The following TESK2 variants were observed in gnomAD, a reference collection of about 807,000 sequenced individuals.
The protein encoded by TESK2 is dual specificity testis-specific protein kinase 2.
A neutral mutation model predicts 57.1 loss-of-function variants in TESK2; 39 were observed. The observed-to-expected ratio is 0.68, with a 90% CI of 0.53 to 0.89. TESK2 has a LOEUF of 0.89. Ranked by LOEUF, TESK2 falls within the 40% of genes least tolerant of loss-of-function variation. The pLI is 0.00. For synonymous variants in TESK2, 249 were observed against 267.9 expected, an observed-to-expected ratio of 0.93 and a Z score of 0.69; for missense variants, 646 against 732.1, an observed-to-expected ratio of 0.88 and a Z score of 1.36.
intron 5 of TESK2, among the ~76,000 whole-genome samples, chr1:45,351,664 A>G (rs1466903917): frequency 6.6e-6 from 1 of 152,218 alleles, no homozygotes; most frequent in Non-Finnish European, 1.5e-5. Context: ...TGCAAAGTCA[A>G]GGACAGCATC....
At chr1:45,472,017 C>T (rs947467049) in intron 1 of TESK2, among the ~76,000 whole-genome samples, 23 of 151,742 alleles carry the variant, frequency 1.5e-4, no homozygotes, top group Non-Finnish European at 1.3e-4. Flanking sequence ...TTTGGGAGGC[C>T]GAGGCGGGTG....
rs578242408 is a variant in TESK2 at position 45,460,011 on chromosome 1, T to C, written c.-86-2140A>G. Among the ~76,000 whole-genome samples the C allele has an allele frequency of 4.6e-5, 7 of 152,156 alleles. No homozygotes were observed. In the South Asian group the frequency reaches 1.0e-3, roughly 23 times the overall value. On this transcript the variant is annotated intron_variant, in intron 1 of 10. Coordinates refer to ENST00000372086, the MANE Select transcript of TESK2 (RefSeq NM_007170.3). Reference sequence around the variant, plus strand: ...TCACTTATAACTAGGAGCTAAATCTTGAGTTCACATGAACATAAAGATGGG... The same window carrying C: ...TCACTTATAACTAGGAGCTAAATCTCGAGTTCACATGAACATAAAGATGGG...
At chr1:45,385,889 T>C in intron 4 of TESK2, 23 bp downstream of exon 4, 1 of 1,581,912 alleles carries the variant, frequency 6.3e-7, no homozygotes, top group Non-Finnish European at 8.6e-7. Flanking sequence ...AATACGTTAC[T>C]TCAACACTTA....
At chr1:45,454,361 G>A (rs1454019444) in intron 2 of TESK2, among the ~76,000 whole-genome samples, 1 of 152,026 alleles carries the variant, frequency 6.6e-6, no homozygotes, top group Non-Finnish European at 1.5e-5. Flanking sequence ...CTTAACAGTT[G>A]TGTTAAGTAT....
At chr1:45,432,577 G>C (rs1651017124) in intron 2 of TESK2, among the ~76,000 whole-genome samples, 1 of 150,334 alleles carries the variant, frequency 6.7e-6, no homozygotes, top group Admixed American at 6.6e-5. Flanking sequence ...TGTAGTCCCA[G>C]CTACTCGGGA....
At chr1:45,414,159 T>G (rs1433379029) in intron 3 of TESK2, among the ~76,000 whole-genome samples, 1 of 152,228 alleles carries the variant, frequency 6.6e-6, no homozygotes, top group Non-Finnish European at 1.5e-5. Flanking sequence ...CTGGTTAGAA[T>G]AATTTCCTTT....
intron 5 of TESK2, 63 bp from the exon 6 acceptor site, chr1:45,348,063 T>TA: frequency 9.1e-7 from 1 of 1,099,640 alleles, no homozygotes; most frequent in Non-Finnish European, 1.4e-6. Flanking sequence ...GCCATAGAGT[T>TA]ACCACCCATT....
chr1:45,471,321 C>T (rs1035479026), intron 1 of TESK2, among the ~76,000 whole-genome samples: 5 of 152,068 alleles, frequency 3.3e-5, no homozygotes, highest in African/African-American at 1.2e-4. Flanking sequence ...GGAGGATGTA[C>T]AAAATGGAAT....
At chr1:45,358,051 C>T (rs1647517599) in intron 4 of TESK2, among the ~76,000 whole-genome samples, 1 of 142,652 alleles carries the variant, frequency 7.0e-6, no homozygotes, top group East Asian at 2.1e-4. Context: ...CAATGGCTCA[C>T]ACCTGTAATC....
chr1:45,406,375 G>A (rs1649849431), intron 3 of TESK2, among the ~76,000 whole-genome samples: 1 of 152,156 alleles, frequency 6.6e-6, no homozygotes, highest in Non-Finnish European at 1.5e-5. Flanking sequence ...CCAGGGTGTG[G>A]TGGCTCATGC....
chr1:45,416,824 T>C (rs535635555), intron 3 of TESK2, among the ~76,000 whole-genome samples: 2 of 151,832 alleles, frequency 1.3e-5, no homozygotes, highest in South Asian at 4.2e-4. Flanking sequence ...TCTTGCTCTG[T>C]CACCCAGGCT....
At chr1:45,356,043 T>C (rs1272114651) in intron 4 of TESK2, among the ~76,000 whole-genome samples, 1 of 152,152 alleles carries the variant, frequency 6.6e-6, no homozygotes, top group Non-Finnish European at 1.5e-5. Context: ...AAAGAAAATA[T>C]TATTTTAGCC....
intron 1 of TESK2, among the ~76,000 whole-genome samples, chr1:45,462,304 G>A (rs61111281): frequency 1.3e-5 from 2 of 151,194 alleles, no homozygotes; most frequent in South Asian, 2.1e-4. Flanking sequence ...ATGGGGTCTC[G>A]CTCTGTCGCC....
At position 45,384,385 on chromosome 1, in the gene TESK2, A is replaced by ATCTG. The variant is rs1412537804; in HGVS notation, c.393+1523_393+1526dup. 3.8e-3 allele frequency among the ~76,000 whole-genome samples: 478 copies of ATCTG among 124,370 alleles called. 3 individuals carry two copies. The highest frequency in any genetic ancestry group is 0.014 in the African/African-American group (453 of 33,512). 81.6% of individuals were successfully genotyped at this position (124,370 alleles called of 152,430 possible). ...TACGTATCTATCTATCTATCTATCT[A>ATCTG]TCTGTCTATCTATCTATCTATCTAT... On this transcript the variant is annotated intron_variant, in intron 4 of 10. Coordinates refer to ENST00000372086, the MANE Select transcript of TESK2 (RefSeq NM_007170.3).
chr1:45,394,581 T>C (rs571720974), intron 3 of TESK2, among the ~76,000 whole-genome samples: 1 of 151,746 alleles, frequency 6.6e-6, no homozygotes, highest in Non-Finnish European at 1.5e-5. Flanking sequence ...GTGATGCTGA[T>C]GTCGCTTGGT....
intron 2 of TESK2, among the ~76,000 whole-genome samples, chr1:45,426,660 C>T (rs1570718284): frequency 6.6e-6 from 1 of 152,124 alleles, no homozygotes; most frequent in Admixed American, 6.5e-5. Flanking sequence ...AGAGTCAATC[C>T]ATGGAATGGG....
At chr1:45,374,429 G>GCCT (rs1399348617) in intron 4 of TESK2, among the ~76,000 whole-genome samples, 4 of 151,994 alleles carry the variant, frequency 2.6e-5, no homozygotes, top group African/African-American at 9.7e-5. Context: ...CTCTTTCTGA[G>GCCT]CCTCAGATTT....
At chr1:45,459,676 T>C (rs1251049564) in intron 1 of TESK2, among the ~76,000 whole-genome samples, 1 of 152,076 alleles carries the variant, frequency 6.6e-6, no homozygotes, top group Non-Finnish European at 1.5e-5. Context: ...ACCTCGTCTG[T>C]ATGAAAAAAT....
intron 8 of TESK2, 71 bp from the exon 9 acceptor site, chr1:45,346,850 G>T (rs1003746741): frequency 9.0e-6 from 14 of 1,547,246 alleles, no homozygotes; most frequent in Middle Eastern, 1.7e-4. Flanking sequence ...CTGCTCAGTA[G>T]AAGTGGTTGG....
Sources: gnomAD v4.1 joint callset for allele counts (sites outside exome capture counted in the v4.1 genomes callset) on GRCh38, gnomAD v4.1.1 for gene constraint, MANE v1.5 for transcripts, NCBI Gene and HGNC (gene_info 2026-07-23, HGNC 2026-07-21) for gene names.